Variants in VAPA observed in about 807,000 individuals in gnomAD.
VAPA encodes the protein VAMP associated protein A, also known as vesicle-associated membrane protein-associated protein A.
In VAPA, 6 loss-of-function variants were observed where a neutral mutation model predicts 25.6. That is an observed-to-expected ratio of 0.23 (90% CI 0.13 to 0.46). VAPA has a LOEUF of 0.46. VAPA is among the 20% of genes least tolerant of loss of function. The pLI, the probability that VAPA is intolerant of heterozygous loss-of-function variation, is 0.99. For missense variants in VAPA, 244 were observed against 302.1 expected (o/e 0.81, Z 1.43); for synonymous variants, 112 against 106.2 (o/e 1.05, Z -0.34).
intron 1 of VAPA, among the ~76,000 whole-genome samples, chr18:9,926,586 C>A (rs906376184): frequency 6.6e-6 from 1 of 152,114 alleles, no homozygotes; most frequent in Non-Finnish European, 1.5e-5. Flanking sequence ...GTTTTCCTTG[C>A]CCTCCTCAAG....
Position 9,931,846 on chromosome 18 carries a change from T to G in VAPA, c.116T>G (p.Leu39Trp). The stretch of plus-strand genomic sequence containing the variant: ...GATGTAGTCACTACAAATCTTAAAT[T>G]GCGAAATCCATCGGATAGAAAAGTG... ...FTDVVTTNLK[L>W]RNPSDRKVCF... is the part of the protein sequence containing the mutation. Residue 39 changes from leucine to tryptophan, a missense_variant, in exon 2 of 6, where the codon TTG (leucine) becomes TGG (tryptophan). Leu to Trp is a moderately conservative substitution (Grantham distance 61). Transcript: ENST00000400000. The G allele has an allele frequency of 6.2e-7, 1 of 1,613,954 alleles. No homozygotes were observed. Among genetic ancestry groups the G allele is most frequent in the Non-Finnish European group, 8.5e-7 (1 of 1,179,932 alleles).
At chr18:9,923,969 G>C (rs891498676) in intron 1 of VAPA, 1 of 174,204 alleles carries the variant, frequency 5.7e-6, no homozygotes, top group African/African-American at 2.4e-5. Flanking sequence ...GATCTCGGAA[G>C]CTAGCAGGGT....
At chr18:9,935,536 C>T (rs1447802757) in intron 2 of VAPA, among the ~76,000 whole-genome samples, 3 of 152,220 alleles carry the variant, frequency 2.0e-5, no homozygotes, top group East Asian at 3.9e-4. Flanking sequence ...GATTGCGCCA[C>T]TGCACTGCAG....
intron 4 of VAPA, among the ~76,000 whole-genome samples, chr18:9,942,522 A>T (rs1040620311): frequency 6.6e-6 from 1 of 152,116 alleles, no homozygotes; most frequent in Non-Finnish European, 1.5e-5. Flanking sequence ...GTATTTAAGT[A>T]CTGTATTAGT....
intron 1 of VAPA, among the ~76,000 whole-genome samples, chr18:9,925,638 A>C (rs917697113): frequency 6.6e-6 from 1 of 152,042 alleles, no homozygotes; most frequent in African/African-American, 2.4e-5. Context: ...TGATATTTAA[A>C]TGTGTTTGAA....
chr18:9,926,510 C>A (rs1283302581), intron 1 of VAPA, among the ~76,000 whole-genome samples: 1 of 152,128 alleles, frequency 6.6e-6, no homozygotes, highest in Admixed American at 6.6e-5. Context: ...CATGAGATTT[C>A]CTGAGTTAGA....
At chr18:9,928,226 T>G (rs1259201060) in intron 1 of VAPA, among the ~76,000 whole-genome samples, 1 of 152,174 alleles carries the variant, frequency 6.6e-6, no homozygotes, top group Non-Finnish European at 1.5e-5. Context: ...ATGTTCACTT[T>G]GTCATCAAAA....
intron 2 of VAPA, among the ~76,000 whole-genome samples, chr18:9,934,967 C>T (rs948332566): frequency 6.6e-5 from 10 of 151,722 alleles, no homozygotes; most frequent in Non-Finnish European, 1.0e-4. Context: ...TGGTGGCAGG[C>T]GCCTGTAGTC....
At chr18:9,921,660 G>A (rs2069157789) in intron 1 of VAPA, among the ~76,000 whole-genome samples, 1 of 152,028 alleles carries the variant, frequency 6.6e-6, no homozygotes, top group African/African-American at 2.4e-5. Flanking sequence ...AATCTTATTT[G>A]CCTTTCAGAG....
intron 4 of VAPA, among the ~76,000 whole-genome samples, chr18:9,943,181 A>C (rs1316424221): frequency 6.6e-6 from 1 of 152,192 alleles, no homozygotes; most frequent in Admixed American, 6.5e-5. Flanking sequence ...GCTTGAGTCC[A>C]TGTTTTTATT....
Position 9,931,635 on chromosome 18 carries a change from C to T in VAPA, c.80-175C>T, listed in dbSNP as rs1389953411. On this transcript the variant is annotated intron_variant, in intron 1 of 5. Coordinates refer to ENST00000400000, the MANE Select transcript of VAPA (RefSeq NM_194434.3). ...ACAGGGAATGAAGAAGAAAATATGA[C>T]TTGTTTTTAAGTCTGCCACCTCGAG... The T allele has an allele frequency of 1.0e-5, 5 of 479,990 alleles. No individual in the cohort carries two copies. In the East Asian group the frequency reaches 1.7e-4, roughly 17 times the overall value. The allele number at this position is 479,990 out of a possible 1,614,324, so 29.7% of individuals were successfully genotyped here. A position where few individuals can be genotyped will look rare whatever the true frequency, so the allele number is the denominator to read the frequency against.
At chr18:9,944,926 T>C (rs779132566) in intron 4 of VAPA, 4 of 1,613,964 alleles carry the variant, frequency 2.5e-6, no homozygotes, top group Non-Finnish European at 3.4e-6. Flanking sequence ...CATCTCAGGG[T>C]ATAACTCCAC....
rs569480185 is a variant in VAPA, at chr18:9,937,164, T to C, written c.417+98T>C. 8.4e-5 allele frequency: 72 copies of C among 853,308 alleles called. 2 individuals carry two copies. The highest frequency in any genetic ancestry group is 4.8e-4 in the South Asian group (30 of 62,538). The allele number at this position is 853,308 out of a possible 1,614,324, so 52.9% of individuals were successfully genotyped here. A position where few individuals can be genotyped will look rare whatever the true frequency, so the allele number is the denominator to read the frequency against. On this transcript the variant is annotated intron_variant, in intron 4 of 5. Transcript: ENST00000400000. ...TTTGACCTTTGAGGTATGTGTGATA[T>C]GGCTATTACACTTCATAAGACTCAG...
chr18:9,945,970 T>G (rs2069418996), intron 4 of VAPA, among the ~76,000 whole-genome samples: 2 of 152,340 alleles, frequency 1.3e-5, no homozygotes, highest in South Asian at 2.1e-4. Context: ...TTATGTGCGT[T>G]TTTATCCATC....
intron 4 of VAPA, among the ~76,000 whole-genome samples, chr18:9,939,116 A>C (rs1041982317): frequency 3.3e-5 from 5 of 152,122 alleles, no homozygotes; most frequent in African/African-American, 4.8e-5. Context: ...ATGTCATTAA[A>C]ATTTTTTTTT....
chr18:9,930,906 A>G (rs557772895), intron 1 of VAPA, among the ~76,000 whole-genome samples: 5 of 152,282 alleles, frequency 3.3e-5, no homozygotes, highest in Non-Finnish European at 2.9e-5. Flanking sequence ...AGGGCTTGAA[A>G]TAAGTGTCTT....
intron 4 of VAPA, among the ~76,000 whole-genome samples, chr18:9,946,907 GT>G (rs2069430353): frequency 6.6e-6 from 1 of 152,148 alleles, no homozygotes; most frequent in Admixed American, 6.5e-5. Flanking sequence ...TCTTTTTAAT[GT>G]CCTTATTCGC....
At chr18:9,926,059 A>G (rs1268968016) in intron 1 of VAPA, among the ~76,000 whole-genome samples, 1 of 152,162 alleles carries the variant, frequency 6.6e-6, no homozygotes, top group African/African-American at 2.4e-5. Context: ...AACTTGGTAT[A>G]TTAAAATGTA....
chr18:9,944,849 A>T, intron 4 of VAPA: 1 of 1,523,084 alleles, frequency 6.6e-7, no homozygotes, highest in Non-Finnish European at 8.9e-7. Context: ...TTTCTGTGTC[A>T]GTCATTCCCA....
Sources: allele counts gnomAD v4.1 joint callset (sites outside exome capture counted in the v4.1 genomes callset), GRCh38; gene constraint gnomAD v4.1.1; transcripts MANE v1.5; gene names NCBI Gene and HGNC (gene_info 2026-07-23, HGNC 2026-07-21).